The following RECK variants were observed in gnomAD, a reference collection of about 807,000 sequenced individuals.
The protein encoded by RECK is reversion-inducing cysteine-rich protein with Kazal motifs.
Under a neutral mutation model 115.1 loss-of-function variants are expected in RECK, and 69 were observed. The ratio of observed to expected loss-of-function variants is 0.60; its 90% CI spans 0.49 to 0.73. RECK has a LOEUF of 0.73. Among genes scored for constraint, RECK ranks in the 30% least tolerant of loss-of-function variants. The pLI, the probability that RECK is intolerant of heterozygous loss-of-function variation, is 0.00. For missense variants in RECK, 1,047 were observed against 1,203.7 expected, an observed-to-expected ratio of 0.87 and a Z score of 1.93; for synonymous variants, 414 against 419.7, an observed-to-expected ratio of 0.99 and a Z score of 0.17.
chr9:36,100,560 C>G lies in RECK; in HGVS notation c.1298+17C>G. The G allele has an allele frequency of 6.3e-7, 1 of 1,582,094 alleles. No homozygotes were observed. The highest frequency in any genetic ancestry group is 8.7e-7 in the Non-Finnish European group (1 of 1,153,084). On this transcript the variant is annotated intron_variant, in intron 11 of 20. Coordinates refer to ENST00000377966, the MANE Select transcript of RECK (RefSeq NM_021111.3). Reference sequence around the variant, plus strand: ...TATTTGCAAGTAAGTTTCTTTCATCCTAACGATTCTCCAGCTTTAGTTCAG... The same window carrying G: ...TATTTGCAAGTAAGTTTCTTTCATCGTAACGATTCTCCAGCTTTAGTTCAG...
intron 6 of RECK, among the ~76,000 whole-genome samples, chr9:36,069,326 C>A (rs967169620): frequency 1.3e-5 from 2 of 151,536 alleles, no homozygotes; most frequent in Admixed American, 6.6e-5. Flanking sequence ...GATCACCTGA[C>A]GTCAGGAGTT....
chr9:36,120,599 T>C, intron 18 of RECK, 64 bp from the exon 19 acceptor site: 1 of 1,329,306 alleles, frequency 7.5e-7, no homozygotes, highest in Non-Finnish European at 1.1e-6. Context: ...GACATTTCAC[T>C]AAGGATTTTA....
At chr9:36,082,600 C>A (rs1025157491) in intron 7 of RECK, among the ~76,000 whole-genome samples, 2 of 152,160 alleles carry the variant, frequency 1.3e-5, no homozygotes, top group African/African-American at 4.8e-5. Context: ...ACTCATCTAG[C>A]TCTCCCAAAA....
At chr9:36,115,685 C>T (rs1824231413) in intron 16 of RECK, among the ~76,000 whole-genome samples, 1 of 152,238 alleles carries the variant, frequency 6.6e-6, no homozygotes, top group African/African-American at 2.4e-5. Flanking sequence ...TAATTTCAAA[C>T]CATTTCATGC....
intron 10 of RECK, among the ~76,000 whole-genome samples, chr9:36,099,904 TG>T (rs2132649705): frequency 6.6e-6 from 1 of 152,356 alleles, no homozygotes; most frequent in South Asian, 2.1e-4. Context: ...AAATGTTGGA[TG>T]GGTTCCTTAA....
chr9:36,111,182 CTG>C (rs1824029132), intron 15 of RECK, among the ~76,000 whole-genome samples: 1 of 152,110 alleles, frequency 6.6e-6, no homozygotes, highest in South Asian at 2.1e-4. Flanking sequence ...CCCTGGTGTC[CTG>C]GGATAAATTA....
chr9:36,118,816 G>T lies in RECK; in HGVS notation c.2313G>T (p.Val771=). The T allele has an allele frequency of 6.2e-7, 1 of 1,614,174 alleles. No individual in the cohort carries two copies. Among genetic ancestry groups the T allele is most frequent in the Non-Finnish European group, 8.5e-7 (1 of 1,180,046 alleles). ...CGHNGETYSS[V]CAAYSDRVAV... ...ACAATGGTGAGACCTACAGCAGTGTGTGTGCTGCCTACTCGGATCGCGTGG... is the reference window on the plus strand; with the variant it reads ...ACAATGGTGAGACCTACAGCAGTGTTTGTGCTGCCTACTCGGATCGCGTGG... The change falls in exon 18 of 21, where the codon GTG becomes GTT. Residue 771 remains valine, a synonymous_variant. Transcript: ENST00000377966.
chr9:36,041,707 CTT>C (rs933026238), intron 1 of RECK, among the ~76,000 whole-genome samples: 1 of 151,036 alleles, frequency 6.6e-6, no homozygotes, highest in African/African-American at 2.4e-5. Context: ...TAGAGACAGT[CTT>C]TATCTCACAT....
intron 3 of RECK, 37 bp downstream of exon 3, chr9:36,058,938 T>A: frequency 7.3e-7 from 1 of 1,363,092 alleles, no homozygotes; most frequent in Non-Finnish European, 9.8e-7. Flanking sequence ...GAAGCTTCTG[T>A]CTAAATGAAA....
intron 2 of RECK, chr9:36,057,151 TA>T (rs34821500): frequency 0.093 from 14,477 of 155,534 alleles, 404 homozygotes; most frequent in South Asian, 0.21. Context: ...CAGCATCAAT[TA>T]AAAAAAAAAA....
At chr9:36,112,643 G>A (rs1356273387) in intron 16 of RECK, among the ~76,000 whole-genome samples, 167 bp downstream of exon 16, 1 of 152,220 alleles carries the variant, frequency 6.6e-6, no homozygotes, top group African/African-American at 2.4e-5. Flanking sequence ...TTGATAAGGT[G>A]CTGCGATTGG....
chr9:36,082,175 T>TCTCTCTCTCTCTCC, intron 7 of RECK, among the ~76,000 whole-genome samples: 1 of 150,714 alleles, frequency 6.6e-6, no homozygotes, highest in Non-Finnish European at 1.5e-5. Context: ...TCTCTCTCTC[T>TCTCTCTCTCTCTCC]CTCTCTCTCT....
intron 1 of RECK, among the ~76,000 whole-genome samples, chr9:36,042,222 G>A (rs1820896004): frequency 6.6e-6 from 1 of 151,842 alleles, no homozygotes. Context: ...TTCCCCTGCT[G>A]CCACCGAGTC....
intron 1 of RECK, among the ~76,000 whole-genome samples, chr9:36,049,964 C>T (rs958823674): frequency 1.3e-5 from 2 of 152,180 alleles, no homozygotes; most frequent in African/African-American, 4.8e-5. Flanking sequence ...CTTCTTGAAA[C>T]ATTTTATTTG....
At chr9:36,088,101 C>T in intron 9 of RECK, 140 bp downstream of exon 9, 1 of 655,704 alleles carries the variant, frequency 1.5e-6, no homozygotes, top group Non-Finnish European at 2.6e-6. Context: ...TTTCATCCAA[C>T]AAATGTGTAT....
chr9:36,055,557 TA>T (rs1821490934), intron 2 of RECK, among the ~76,000 whole-genome samples: 1 of 152,158 alleles, frequency 6.6e-6, no homozygotes, highest in Non-Finnish European at 1.5e-5. Flanking sequence ...ATTTGTATAT[TA>T]TAGGTAAAGA....
At chr9:36,043,891 A>C (rs539698597) in intron 1 of RECK, among the ~76,000 whole-genome samples, 2 of 152,188 alleles carry the variant, frequency 1.3e-5, no homozygotes, top group African/African-American at 4.8e-5. Context: ...TTATACAAGT[A>C]CCATGCTGTT....
chr9:36,054,580 A>G (rs904496612), intron 2 of RECK, among the ~76,000 whole-genome samples: 2 of 151,194 alleles, frequency 1.3e-5, no homozygotes, highest in African/African-American at 4.9e-5. Flanking sequence ...TGCTTTGTTT[A>G]TGATGAATTC....
intron 16 of RECK, among the ~76,000 whole-genome samples, chr9:36,113,965 A>G (rs183910839): frequency 1.3e-4 from 20 of 152,340 alleles, no homozygotes; most frequent in Admixed American, 1.3e-3. Context: ...CATAGAGCCC[A>G]TTTGTTTCTT....
Sources: allele counts gnomAD v4.1 joint callset (sites outside exome capture counted in the v4.1 genomes callset), GRCh38; gene constraint gnomAD v4.1.1; transcripts MANE v1.5; gene names NCBI Gene and HGNC (gene_info 2026-07-23, HGNC 2026-07-21).